Variants in PCNX2 observed in about 807,000 individuals in gnomAD.
The protein encoded by PCNX2 is pecanex-like protein 2.
In PCNX2, 168 loss-of-function variants were observed where a neutral mutation model predicts 223.8. That is an observed-to-expected ratio of 0.75 (90% CI 0.66 to 0.85). The LOEUF (loss-of-function observed/expected upper bound fraction) is 0.85, where lower values mean the gene tolerates loss of function less well. Among genes scored for constraint, PCNX2 ranks in the 40% least tolerant of loss-of-function variants. The pLI is 0.00. For missense variants in PCNX2, 2,507 were observed against 2,675.5 expected, an observed-to-expected ratio of 0.94 and a Z score of 1.39; for synonymous variants, 1,006 against 1,052.6, an observed-to-expected ratio of 0.96 and a Z score of 0.86.
intron 17 of PCNX2, chr1:233,172,362 G>T (rs1405133961): frequency 1.5e-5 from 15 of 985,252 alleles, no homozygotes; most frequent in Non-Finnish European, 1.6e-5. Context: ...CACGTTAAAT[G>T]TCTTCATAAA....
chr1:233,255,714 T>C (rs1299763783), intron 5 of PCNX2, among the ~76,000 whole-genome samples: 1 of 152,228 alleles, frequency 6.6e-6, no homozygotes, highest in Non-Finnish European at 1.5e-5. Context: ...GAGAATTGTG[T>C]ATCTTTTTCT....
intron 25 of PCNX2, among the ~76,000 whole-genome samples, chr1:233,034,374 C>T (rs1263543636): frequency 2.0e-5 from 3 of 152,150 alleles, no homozygotes; most frequent in African/African-American, 7.2e-5. Context: ...TGGCTGTCTG[C>T]AGACCAGGAA....
At chr1:233,172,444 G>A (rs1180372751) in intron 17 of PCNX2, 15 of 985,278 alleles carry the variant, frequency 1.5e-5, no homozygotes, top group Non-Finnish European at 1.8e-5. Flanking sequence ...ACTTCTCAAG[G>A]ATTCTCTTAT....
chr1:233,314,743 T>TAA, the PCNX2 span, among the ~76,000 whole-genome samples: 14 of 146,880 alleles, frequency 9.5e-5, no homozygotes, highest in East Asian at 1.8e-3. Context: ...GGCTTTTATT[T>TAA]AAAAAAAAAA....
intron 21 of PCNX2, among the ~76,000 whole-genome samples, chr1:233,109,394 C>A (rs1414495913): frequency 6.6e-6 from 1 of 152,136 alleles, no homozygotes; most frequent in African/African-American, 2.4e-5. Context: ...TTTAAAAGAA[C>A]TGTGATTAAT....
At chr1:233,068,593 G>A (rs1414511554) in intron 23 of PCNX2, among the ~76,000 whole-genome samples, 1 of 152,028 alleles carries the variant, frequency 6.6e-6, no homozygotes. Context: ...GAAGCTAAAT[G>A]GACATGAAAA....
At chr1:233,132,854 C>G (rs1676577952) in intron 21 of PCNX2, among the ~76,000 whole-genome samples, 1 of 151,314 alleles carries the variant, frequency 6.6e-6, no homozygotes, top group Non-Finnish European at 1.5e-5. Context: ...GTAAATAATG[C>G]CTGAGTCAGG....
chr1:233,015,409 A>C (rs1451690588), intron 27 of PCNX2, among the ~76,000 whole-genome samples: 2 of 152,206 alleles, frequency 1.3e-5, no homozygotes, highest in Non-Finnish European at 2.9e-5. Flanking sequence ...TTAAAAAATT[A>C]GCCAGGTGGC....
At chr1:233,060,692 C>G (rs1413652230) in intron 23 of PCNX2, among the ~76,000 whole-genome samples, 1 of 152,210 alleles carries the variant, frequency 6.6e-6, no homozygotes, top group Non-Finnish European at 1.5e-5. Flanking sequence ...AAAGAGGAAA[C>G]AGGGCTTATA....
intron 9 of PCNX2, chr1:233,232,929 C>T (rs1375607585): frequency 4.1e-6 from 4 of 984,598 alleles, no homozygotes; most frequent in Non-Finnish European, 4.8e-6. Context: ...GTTTACAAAA[C>T]ACTTTCACAT....
chr1:233,105,867 T>C (rs1674740184), intron 21 of PCNX2, among the ~76,000 whole-genome samples: 1 of 152,314 alleles, frequency 6.6e-6, no homozygotes, highest in African/African-American at 2.4e-5. Context: ...ACATTGCACA[T>C]TGAAATTGTA....
chr1:233,157,350 A>G (rs532416450), intron 19 of PCNX2, among the ~76,000 whole-genome samples: 7 of 152,204 alleles, frequency 4.6e-5, no homozygotes, highest in Admixed American at 1.3e-4. Flanking sequence ...GTTTCCATCT[A>G]TGTAAAATGG....
intron 1 of PCNX2, among the ~76,000 whole-genome samples, chr1:233,264,578 A>G (rs1033434783): frequency 1.3e-5 from 2 of 152,230 alleles, no homozygotes; most frequent in African/African-American, 4.8e-5. Context: ...GATTTTCACC[A>G]TCACTTAACT....
chr1:233,104,548 T>G (rs1674657933), intron 21 of PCNX2, among the ~76,000 whole-genome samples: 1 of 152,070 alleles, frequency 6.6e-6, no homozygotes, highest in South Asian at 2.1e-4. Context: ...CAAGGAAAGA[T>G]TAATAAATCT....
intron 23 of PCNX2, among the ~76,000 whole-genome samples, chr1:233,058,672 T>C (rs1672285668): frequency 6.9e-6 from 1 of 145,752 alleles, no homozygotes; most frequent in Non-Finnish European, 1.5e-5. Flanking sequence ...TTTCTTTTTT[T>C]TTTTTTTTTT....
At chr1:233,264,875 T>C (rs1394855246) in intron 1 of PCNX2, among the ~76,000 whole-genome samples, 2 of 151,928 alleles carry the variant, frequency 1.3e-5, no homozygotes, top group Non-Finnish European at 2.9e-5. Flanking sequence ...ATCTAGAGAG[T>C]TAATTTGAAG....
chr1:233,207,560 G>A lies in PCNX2; in HGVS notation c.2863+958C>T, dbSNP rs74643385. ...AAAGGGACAACAACAGCTGATGCTTGGTGCCCAGCACTGCTCTCTATGTCT... is the reference window on the plus strand; with the variant it reads ...AAAGGGACAACAACAGCTGATGCTTAGTGCCCAGCACTGCTCTCTATGTCT... On this transcript the variant is annotated intron_variant, in intron 13 of 33. Transcript: ENST00000258229. Among the ~76,000 whole-genome samples the A allele has an allele frequency of 3.2e-4, 48 of 152,282 alleles. 1 individual carries two copies. In the East Asian group the frequency reaches 8.7e-3, roughly 28 times the overall value.
At chr1:233,199,154 A>T (rs1680911615) in intron 14 of PCNX2, 124 bp from the exon 15 acceptor site, 3 of 819,798 alleles carry the variant, frequency 3.7e-6, no homozygotes, top group Non-Finnish European at 5.7e-6. Context: ...TAAATAATAC[A>T]TCTATGGGAT....
intron 15 of PCNX2, among the ~76,000 whole-genome samples, chr1:233,187,688 C>G (rs1488834540): frequency 6.6e-6 from 1 of 152,154 alleles, no homozygotes; most frequent in South Asian, 2.1e-4. Flanking sequence ...AATAATCCAG[C>G]AGTAACTAGG....
Sources: gnomAD v4.1 joint callset for allele counts (sites outside exome capture counted in the v4.1 genomes callset) on GRCh38, gnomAD v4.1.1 for gene constraint, MANE v1.5 for transcripts, NCBI Gene and HGNC (gene_info 2026-07-23, HGNC 2026-07-21) for gene names.